ANKRD40CL: variants seen among roughly 807,000 people sequenced by gnomAD.
The protein encoded by ANKRD40CL is putative ANKRD40 C-terminal-like protein.
For missense variants in ANKRD40CL, 11 were observed against 6.4 expected (o/e 1.71, Z -0.77); for synonymous variants, 5 against 2.3 (o/e 2.14, Z -1.04).
At chr17:50,766,716 C>A in intron 2 of ANKRD40CL, 158 bp downstream of exon 2, 1 of 550,104 alleles carries the variant, frequency 1.8e-6, no homozygotes, top group Non-Finnish European at 3.2e-6. Context: ...TCTGAAAGGA[C>A]CTTTGGTCTA....
chr17:50,765,165 A>T (rs1189587476), intron 2 of ANKRD40CL: 4 of 152,212 alleles, frequency 2.6e-5, no homozygotes, highest in African/African-American at 9.6e-5. Context: ...TGGATTTTGG[A>T]GGCAATAAAA....
intron 2 of ANKRD40CL, among the ~76,000 whole-genome samples, chr17:50,765,694 T>G (rs1235399998): frequency 6.6e-6 from 1 of 152,184 alleles, no homozygotes; most frequent in Admixed American, 6.5e-5. Flanking sequence ...ACCTCCCCAC[T>G]TGAACGCACC....
At chr17:50,766,441 G>T (rs139630581) in intron 2 of ANKRD40CL, 33 of 166,184 alleles carry the variant, frequency 2.0e-4, no homozygotes, top group Non-Finnish European at 3.9e-4. Flanking sequence ...CTCTGTGAAC[G>T]GCCAGAGTCT....
In ANKRD40CL at chr17:50,761,263, G is replaced by C. The variant is rs917255282; in HGVS notation, c.*100C>G. On this transcript the variant is annotated 3_prime_UTR_variant, in exon 4 of 4. Coordinates refer to ENST00000450727, the MANE Select transcript of ANKRD40CL (RefSeq NM_001358683.3). Reference sequence around the variant, plus strand: ...GTTTCACTATATGTTGGCCAGGCTGGTCTAGAACTCCTGACCTCAGGTGAT... The same window carrying C: ...GTTTCACTATATGTTGGCCAGGCTGCTCTAGAACTCCTGACCTCAGGTGAT... The C allele has an allele frequency of 2.6e-6, 1 of 391,412 alleles. No homozygotes were observed. The highest frequency in any genetic ancestry group is 2.1e-5 in the African/African-American group (1 of 48,360). 24.2% of individuals were successfully genotyped at this position (391,412 alleles called of 1,614,324 possible).
intron 3 of ANKRD40CL, among the ~76,000 whole-genome samples, chr17:50,762,339 A>C (rs1314381895): frequency 6.6e-6 from 1 of 152,098 alleles, no homozygotes; most frequent in African/African-American, 2.4e-5. Context: ...GCAGCTCACC[A>C]CCTGTTATCC....
Position 50,761,437 on chromosome 17 carries a change from T to G in ANKRD40CL, c.271A>C (p.Arg91=). 2 of 399,050 alleles carry G rather than the reference T, an allele frequency of 5.0e-6. No homozygotes were observed. Among genetic ancestry groups the G allele is most frequent in the Non-Finnish European group, 8.8e-6 (2 of 226,056 alleles). 24.7% of individuals were successfully genotyped at this position (399,050 alleles called of 1,614,324 possible). ...AGAGATGGCACATATTCTGTCAATC[T>G]GGAGCTTCCATTTTTCATTAAAATG... The part of the protein sequence containing the change: ...ELILMKNGSS[R]LTEYVPSLTE... The change falls in exon 4 of 4, where the codon AGA becomes CGA. Residue 91 remains arginine, a synonymous_variant. Transcript: ENST00000450727.
intron 2 of ANKRD40CL, 127 bp downstream of exon 2, chr17:50,766,747 C>A: frequency 5.1e-6 from 3 of 584,452 alleles, no homozygotes; most frequent in South Asian, 4.4e-5. Flanking sequence ...TCTTCACTAC[C>A]CCACTGGCAG....
rs1034586517 is a variant in ANKRD40CL at position 50,761,192 on chromosome 17, G to A, written c.*171C>T. 51 of 341,394 alleles carry A rather than the reference G, an allele frequency of 1.5e-4. No homozygotes were observed. Among genetic ancestry groups the A allele is most frequent in the African/African-American group, 9.5e-4 (45 of 47,154 alleles). The allele number at this position is 341,394 out of a possible 1,614,324, so 21.1% of individuals were successfully genotyped here. A position where few individuals can be genotyped will look rare whatever the true frequency, so the allele number is the denominator to read the frequency against. On this transcript the variant is annotated 3_prime_UTR_variant, in exon 4 of 4. Transcript: ENST00000450727. ...GTAGCTGGGACTACTACAGGTGTGC[G>A]CCACCACACCTAGCTAATTTTTGTA...
intron 3 of ANKRD40CL, among the ~76,000 whole-genome samples, chr17:50,761,720 T>A (rs1157966304): frequency 6.6e-6 from 1 of 151,998 alleles, no homozygotes; most frequent in African/African-American, 2.4e-5. Flanking sequence ...TTCTCCTGCC[T>A]CACTTGGCTC....
intron 1 of ANKRD40CL, chr17:50,767,258 A>G (rs567393470): frequency 3.9e-6 from 2 of 514,814 alleles, no homozygotes; most frequent in South Asian, 1.6e-5. Context: ...AGAGAGGCAC[A>G]GCAGGCACCC....
chr17:50,766,821 C>G, intron 2 of ANKRD40CL, 53 bp downstream of exon 2: 3 of 614,920 alleles, frequency 4.9e-6, no homozygotes, highest in Non-Finnish European at 8.7e-6. Context: ...TTCCCCAGCC[C>G]CCTGTCCCAT....
chr17:50,761,468 C>T lies in ANKRD40CL; in HGVS notation c.240G>A (p.Val80=), dbSNP rs1971200074. The stretch of plus-strand genomic sequence containing the variant: ...TTCCATTTTTCATTAAAATGAGTTC[C>T]ACTTCCTGAAAGTCCCGCAGTCTTC... The part of the protein sequence containing the change: ...DIRRLRDFQE[V]ELILMKNGSS... The change falls in exon 4 of 4, where the codon GTG becomes GTA. Residue 80 remains valine, a synonymous_variant. Coordinates refer to ENST00000450727, the MANE Select transcript of ANKRD40CL (RefSeq NM_001358683.3). 1 of 398,828 alleles carries T rather than the reference C, an allele frequency of 2.5e-6. No individual in the cohort carries two copies. Among genetic ancestry groups the T allele is most frequent in the Non-Finnish European group, 4.4e-6 (1 of 226,046 alleles). The allele number at this position is 398,828 out of a possible 1,614,324, so 24.7% of individuals were successfully genotyped here. A position where few individuals can be genotyped will look rare whatever the true frequency, so the allele number is the denominator to read the frequency against.
chr17:50,764,599 T>C (rs1971264256), intron 2 of ANKRD40CL: 1 of 183,738 alleles, frequency 5.4e-6, no homozygotes. Flanking sequence ...GTTAGGAGGG[T>C]GTCTTTATAA....
intron 2 of ANKRD40CL, chr17:50,763,768 T>C (rs2143147629): frequency 7.7e-6 from 3 of 388,038 alleles, no homozygotes; most frequent in East Asian, 7.3e-5. Context: ...CTGGGATGTA[T>C]GCCCCCATTA....
chr17:50,767,373 A>C, intron 1 of ANKRD40CL, 90 bp downstream of exon 1: 3 of 337,452 alleles, frequency 8.9e-6, no homozygotes, highest in Middle Eastern at 3.9e-4. Context: ...GTTTGAATGG[A>C]CTCCTCCTCC....
At chr17:50,764,690 T>G (rs1971266146) in intron 2 of ANKRD40CL, 1 of 153,090 alleles carries the variant, frequency 6.5e-6, no homozygotes, top group Non-Finnish European at 1.5e-5. Context: ...TTTGTGTATT[T>G]CTTTCTTTCT....
chr17:50,764,201 G>C, intron 2 of ANKRD40CL: 1 of 398,630 alleles, frequency 2.5e-6, no homozygotes, highest in Non-Finnish European at 4.4e-6. Context: ...TTATCACTTG[G>C]GTCCGTTGTT....
At chr17:50,763,693 C>T in intron 2 of ANKRD40CL, 136 bp from the exon 3 acceptor site, 1 of 396,722 alleles carries the variant, frequency 2.5e-6, no homozygotes, top group East Asian at 3.6e-5. Flanking sequence ...AGACATGGAG[C>T]TTTCATGGGC....
chr17:50,763,642 A>G, intron 2 of ANKRD40CL, 85 bp from the exon 3 acceptor site: 1 of 398,184 alleles, frequency 2.5e-6, no homozygotes, highest in Non-Finnish European at 4.4e-6. Context: ...TTTCATATCT[A>G]TTATTACAGC....
Sources: allele counts gnomAD v4.1 joint callset (sites outside exome capture counted in the v4.1 genomes callset), GRCh38; gene constraint gnomAD v4.1.1; transcripts MANE v1.5; gene names NCBI Gene and HGNC (gene_info 2026-07-23, HGNC 2026-07-21).